C3: variants seen among roughly 807,000 people sequenced by gnomAD.
C3 encodes C3 and PZP-like alpha-2-macroglobulin domain-containing protein 1.
In C3, 97 loss-of-function variants were observed where a neutral mutation model predicts 207.9. That is an observed-to-expected ratio of 0.47 (90% CI 0.40 to 0.55). C3 has a LOEUF of 0.55. Ranked by LOEUF, C3 falls within the 20% of genes least tolerant of loss-of-function variation. The pLI, the probability that C3 is intolerant of heterozygous loss-of-function variation, is 0.00. For synonymous variants in C3, 848 were observed against 857.6 expected, an observed-to-expected ratio of 0.99 and a Z score of 0.20; for missense variants, 1,684 against 2,171.7, an observed-to-expected ratio of 0.78 and a Z score of 4.46.
At chr19:6,716,973 G>C (rs1432807631) in intron 4 of C3, 1 of 152,354 alleles carries the variant, frequency 6.6e-6, no homozygotes, top group Non-Finnish European at 1.5e-5. Flanking sequence ...CTTGAGAAGA[G>C]GGCACAGCCC....
At position 6,691,140 on chromosome 19, in the gene C3, G is replaced by A. The variant is rs192687766; in HGVS notation, c.3391-413C>T. ...GCAATCTCGACTCCCTGCAACCTCC[G>A]CCTCCTGGATTCAAGCAATTCTCCT... On this transcript the variant is annotated intron_variant, in intron 26 of 40. Transcript: ENST00000245907. Among the ~76,000 whole-genome samples, 2 of 147,202 alleles carry A rather than the reference G, an allele frequency of 1.4e-5. 1 individual carries two copies. The highest frequency in any genetic ancestry group is 4.2e-4 in the South Asian group (2 of 4,710).
chr19:6,703,480 A>G (rs1967714562), intron 17 of C3, among the ~76,000 whole-genome samples: 1 of 151,952 alleles, frequency 6.6e-6, no homozygotes, highest in African/African-American at 2.4e-5. Flanking sequence ...GGCAGCGGGC[A>G]CCTGTAGTCC....
intron 18 of C3, 51 bp from the exon 19 acceptor site, chr19:6,702,263 T>A (rs1406899208): frequency 1.6e-6 from 2 of 1,247,028 alleles, no homozygotes; most frequent in Non-Finnish European, 2.3e-6. Flanking sequence ...AGCAGGGTGG[T>A]AGAGGGGAAG....
chr19:6,693,099 A>G lies in C3; in HGVS notation c.3231-16T>C, dbSNP rs369287371. On this transcript the variant is annotated splice_polypyrimidine_tract_variant and intron_variant, in intron 25 of 40. Coordinates refer to ENST00000245907, the MANE Select transcript of C3 (RefSeq NM_000064.4). ...GGCGGTCAGCCTGGAGTGGGCACAG[A>G]GCATGAGCCAATCGGCTCTGAGATC... is the stretch of plus-strand genomic sequence containing the variant. 5 of 1,613,580 alleles carry G rather than the reference A, an allele frequency of 3.1e-6. No individual in the cohort carries two copies. The highest frequency in any genetic ancestry group is 4.2e-6 in the Non-Finnish European group (5 of 1,179,830).
chr19:6,693,137 T>A, intron 25 of C3, 54 bp from the exon 26 acceptor site: 1 of 1,598,128 alleles, frequency 6.3e-7, no homozygotes, highest in African/African-American at 1.3e-5. Flanking sequence ...GAGACTGCCA[T>A]GTCAACCAGC....
chr19:6,689,363 CTCTCTCTCTCTCTCT>C (rs1918111767), intron 27 of C3, among the ~76,000 whole-genome samples: 1 of 125,558 alleles, frequency 8.0e-6, no homozygotes, highest in African/African-American at 3.4e-5. Context: ...CTCCCTCCCT[CTCTCTCTCTCTCTCT>C]CTCTCTCTCT....
At chr19:6,714,632 C>A (rs752938129) in intron 4 of C3, among the ~76,000 whole-genome samples, 186 bp from the exon 5 acceptor site, 1 of 152,136 alleles carries the variant, frequency 6.6e-6, no homozygotes. Context: ...GAGGCTGAGG[C>A]GGGCAGATCA....
Position 6,714,192 on chromosome 19 carries a change from GAGA to G in C3, c.653_655del (p.Phe218del), listed in dbSNP as rs1173584180. 1.2e-6 allele frequency: 2 copies of G among 1,613,714 alleles called. No homozygotes were observed. Among genetic ancestry groups the G allele is most frequent in the Admixed American group, 3.3e-5 (2 of 60,002 alleles). On this transcript the variant is annotated inframe_deletion, in exon 6 of 41. Coordinates refer to ENST00000245907, the MANE Select transcript of C3 (RefSeq NM_000064.4). Reference sequence around the variant, plus strand: ...GTACTCCTTCACCTCAAACTCAGTGGAGAAGACCTGCTGTGGTGAGTTTTCATA... The same window carrying G: ...GTACTCCTTCACCTCAAACTCAGTGGAGACCTGCTGTGGTGAGTTTTCATA...
chr19:6,707,458 G>C lies in C3; in HGVS notation c.2047+8C>G, dbSNP rs1183656278. On this transcript the variant is annotated splice_region_variant and intron_variant, in intron 16 of 40. Coordinates refer to ENST00000245907, the MANE Select transcript of C3 (RefSeq NM_000064.4). ...TCGGGGGCAGGAGTGGGTAGGAAAGGCTCCCACCTTTGTCCATTCGCTTCT... is the reference window on the plus strand; with the variant it reads ...TCGGGGGCAGGAGTGGGTAGGAAAGCCTCCCACCTTTGTCCATTCGCTTCT... 9 of 1,613,676 alleles carry C rather than the reference G, an allele frequency of 5.6e-6. No individual in the cohort carries two copies. Among genetic ancestry groups the C allele is most frequent in the Non-Finnish European group, 6.8e-6 (8 of 1,179,844 alleles).
intron 14 of C3, among the ~76,000 whole-genome samples, chr19:6,708,634 T>C (rs1967839329): frequency 7.0e-6 from 1 of 142,594 alleles, no homozygotes; most frequent in Non-Finnish European, 1.5e-5. Flanking sequence ...CTCCTTTCTT[T>C]TTCTTTCTCT....
Position 6,680,246 on chromosome 19 carries a change from A to G in C3, c.4368T>C (p.Asp1456=), listed in dbSNP as rs753335172. 1.2e-6 allele frequency: 2 copies of G among 1,608,496 alleles called. No homozygotes were observed. Among genetic ancestry groups the G allele is most frequent in the Non-Finnish European group, 8.5e-7 (1 of 1,174,922 alleles). Residue 1456 remains aspartate (D), a synonymous_variant, in exon 36 of 41, where the codon GAT becomes GAC. Transcript: ENST00000245907. ...GGTGAACTTTGAAAGCTAGACAGTC[A>G]TCCTCAGAGTGTGAGACCTGAGGGG... The part of the protein sequence containing the change: ...IYLDKVSHSE[D]DCLAFKVHQY...
chr19:6,701,366 A>G (rs886927681), intron 19 of C3, among the ~76,000 whole-genome samples: 3 of 152,108 alleles, frequency 2.0e-5, no homozygotes, highest in African/African-American at 7.2e-5. Flanking sequence ...GCTCGCCCAA[A>G]GAGACCTCCC....
intron 4 of C3, chr19:6,717,609 G>T: frequency 3.8e-6 from 1 of 266,440 alleles, no homozygotes; most frequent in Non-Finnish European, 7.4e-6. Context: ...GTGTGTGTTT[G>T]TGTGTGTTGT....
Position 6,679,172 on chromosome 19 carries a change from G to A in C3, c.4583C>T (p.Thr1528Ile). The change falls in exon 38 of 41, where the codon ACC becomes ATC. Residue 1528 changes from threonine to isoleucine, a missense_variant. Transcript: ENST00000245907. ...GGCCTTGTCCAGCCGTTCTTCCAGG[G>A]TGACCTTGTCATCCGACTTTTGTAT... Reference protein sequence around the residue: ...CFIQKSDDKVTLEERLDKACE... With the variant: ...CFIQKSDDKVILEERLDKACE... 1.9e-6 allele frequency: 3 copies of A among 1,614,172 alleles called. No individual in the cohort carries two copies. Among genetic ancestry groups the A allele is most frequent in the Non-Finnish European group, 2.5e-6 (3 of 1,180,010 alleles).
chr19:6,692,816 A>C (rs1918199476), intron 26 of C3, 108 bp downstream of exon 26: 2 of 1,372,388 alleles, frequency 1.5e-6, no homozygotes, highest in African/African-American at 2.8e-5. Context: ...CAATCTTTGC[A>C]AAGGGAATTG....
Position 6,707,272 on chromosome 19 carries a change from G to A in C3, c.2049C>T (p.Val683=). 2 of 1,606,730 alleles carry A rather than the reference G, an allele frequency of 1.2e-6. No homozygotes were observed. The highest frequency in any genetic ancestry group is 1.4e-5 in the African/African-American group (1 of 73,874). Residue 683 remains valine, a splice_region_variant and synonymous_variant, in exon 17 of 41, where the codon GTC becomes GTT. Transcript: ENST00000245907. ...TGCGCAGCTCCTTGGGGTACTTGCC[G>A]ACTGCGGGAGCACGTGTTCCCCCAG... ...VQLTEKRMDK[V]GKYPKELRKC...
intron 26 of C3, among the ~76,000 whole-genome samples, chr19:6,691,087 C>G (rs1333552303): frequency 2.3e-5 from 3 of 130,670 alleles, no homozygotes; most frequent in Non-Finnish European, 4.9e-5. Context: ...CAGTTTTGCT[C>G]TTGTTGCCCA....
intron 19 of C3, among the ~76,000 whole-genome samples, chr19:6,700,053 CA>C (rs1371087768): frequency 2.7e-5 from 4 of 145,510 alleles, no homozygotes; most frequent in African/African-American, 1.0e-4. Flanking sequence ...TACATTACAA[CA>C]AAATTAAATT....
intron 19 of C3, among the ~76,000 whole-genome samples, chr19:6,698,571 C>T (rs1047299155): frequency 3.3e-5 from 5 of 151,746 alleles, no homozygotes; most frequent in Admixed American, 2.6e-4. Context: ...TAGCTAGGTG[C>T]GGTGGCTCAT....
Sources: gnomAD v4.1 joint callset for allele counts (sites outside exome capture counted in the v4.1 genomes callset) on GRCh38, gnomAD v4.1.1 for gene constraint, MANE v1.5 for transcripts, NCBI Gene and HGNC (gene_info 2026-07-23, HGNC 2026-07-21) for gene names.